Variants in RAPGEFL1 observed in about 807,000 individuals in gnomAD.
The protein encoded by RAPGEFL1 is rap guanine nucleotide exchange factor-like 1.
A neutral mutation model predicts 64.4 loss-of-function variants in RAPGEFL1; 31 were observed. The ratio of observed to expected loss-of-function variants is 0.48; its 90% CI spans 0.36 to 0.65. RAPGEFL1 has a LOEUF of 0.65. RAPGEFL1 is among the 30% of genes least tolerant of loss of function. RAPGEFL1 has a pLI of 0.00. For synonymous variants in RAPGEFL1, 331 were observed against 274.1 expected, an observed-to-expected ratio of 1.21 and a Z score of -2.05; for missense variants, 682 against 677.4, an observed-to-expected ratio of 1.01 and a Z score of -0.08.
In RAPGEFL1 at chr17:40,177,824, G is replaced by A. The variant is rs1989759640; in HGVS notation, c.-38G>A. On this transcript the variant is annotated 5_prime_UTR_variant, in exon 1 of 15. Coordinates refer to ENST00000620260, the MANE Select transcript of RAPGEFL1 (RefSeq NM_016339.6). ...CCCCGCCCGCGCCTGGGATACCTGGGTCCCCCGGCGACCCCTAGGAGAGGG... is the reference window on the plus strand; with the variant it reads ...CCCCGCCCGCGCCTGGGATACCTGGATCCCCCGGCGACCCCTAGGAGAGGG... 1 of 412,774 alleles carries A rather than the reference G, an allele frequency of 2.4e-6. No homozygotes were observed. The highest frequency in any genetic ancestry group is 3.6e-5 in the East Asian group (1 of 28,028). The allele number at this position is 412,774 out of a possible 1,614,324, so 25.6% of individuals were successfully genotyped here.
intron 4 of RAPGEFL1, 108 bp from the exon 5 acceptor site, chr17:40,188,758 G>C: frequency 1.2e-6 from 1 of 817,892 alleles, no homozygotes; most frequent in Non-Finnish European, 2.1e-6. Flanking sequence ...AATTGCTGCT[G>C]GTGCATCCTT....
In RAPGEFL1 at chr17:40,191,398, G is replaced by A. The variant is rs1990259069; in HGVS notation, c.1418G>A (p.Ser473Asn). The A allele has an allele frequency of 6.2e-7, 1 of 1,602,326 alleles. No homozygotes were observed. The highest frequency in any genetic ancestry group is 1.7e-5 in the Admixed American group (1 of 59,168). ...TTGGAGCTGCTGCTGCAGCGCTGCA[G>A]CGAGGTCACGCACTGGGTGGCCACC... ...ANLELLLQRC[S>N]EVTHWVATEV... Residue 473 changes from serine (S) to asparagine (N), a missense_variant, in exon 9 of 15, where the codon AGC becomes AAC. This residue lies in a region of RAPGEFL1 where 411 missense variants were observed against 519.4 expected (regional missense o/e 0.79). Transcript: ENST00000620260. This position sits in a 1 kb window ranked among gnomAD's most constrained non-coding sequence, Gnocchi z 5.1.
At position 40,189,109 on chromosome 17, in the gene RAPGEFL1, G is replaced by A. The variant is rs184140683; in HGVS notation, c.947-99G>A. The A allele has an allele frequency of 8.1e-6, 12 of 1,486,548 alleles. No homozygotes were observed. In the South Asian group the frequency reaches 9.3e-5, roughly 12 times the overall value. The allele number at this position is 1,486,548 out of a possible 1,614,324, so 92.1% of individuals were successfully genotyped here. A position where few individuals can be genotyped will look rare whatever the true frequency, so the allele number is the denominator to read the frequency against. On this transcript the variant is annotated intron_variant, in intron 5 of 14. Coordinates refer to ENST00000620260, the MANE Select transcript of RAPGEFL1 (RefSeq NM_016339.6). Reference sequence around the variant, plus strand: ...CCCCTTTCACAGGACCTTCTTCAGAGGCCAGCCTCTGGTGGGGAATAGAGG... The same window carrying A: ...CCCCTTTCACAGGACCTTCTTCAGAAGCCAGCCTCTGGTGGGGAATAGAGG...
intron 3 of RAPGEFL1, 36 bp from the exon 4 acceptor site, chr17:40,184,545 C>A (rs1598440395): frequency 1.5e-6 from 2 of 1,348,206 alleles, no homozygotes; most frequent in Non-Finnish European, 2.1e-6. Context: ...TGGAATGAGA[C>A]CCCTTCCTTC....
At position 40,189,391 on chromosome 17, in the gene RAPGEFL1, A is replaced by C. The variant is rs1471775195; in HGVS notation, c.1114+16A>C. 3.7e-6 allele frequency: 6 copies of C among 1,613,388 alleles called. No individual in the cohort carries two copies. In the East Asian group the frequency reaches 1.3e-4, roughly 36 times the overall value. On this transcript the variant is annotated intron_variant, in intron 6 of 14. Coordinates refer to ENST00000620260, the MANE Select transcript of RAPGEFL1 (RefSeq NM_016339.6). ...TCCTCTGGAGGTGAGGGTCAGGAAG[A>C]ACTGGGCTGATGCTCCGAGAGGAGA...
chr17:40,190,512 G>A lies in RAPGEFL1; in HGVS notation c.1193G>A (p.Arg398Gln), dbSNP rs1334566487. The A allele has an allele frequency of 8.1e-6, 13 of 1,614,056 alleles. No homozygotes were observed. The highest frequency in any genetic ancestry group is 1.3e-5 in the African/African-American group (1 of 74,906). ...AACAGCCACCTGTTTGCCTGTACTC[G>A]GGACAGCTATGAGGCTCTGGTAAGA... The part of the protein sequence containing the change: ...GINSHLFACT[R>Q]DSYEALVPLP... The change falls in exon 7 of 15, where the codon CGG becomes CAG. Residue 398 changes from arginine to glutamine, a missense_variant. Physicochemically the swap from Arg to Gln is conservative, Grantham distance 43. Around this residue, in one of 2 missense-constraint regions of RAPGEFL1, gnomAD observed 411 missense variants for 519.4 expected, o/e 0.79. Coordinates refer to ENST00000620260, the MANE Select transcript of RAPGEFL1 (RefSeq NM_016339.6).
At chr17:40,193,074 C>A in intron 13 of RAPGEFL1, 84 bp downstream of exon 13, 1 of 1,308,176 alleles carries the variant, frequency 7.6e-7, no homozygotes, top group Non-Finnish European at 1.1e-6. Flanking sequence ...CCAAAAATAG[C>A]AGCCTTCCTC....
chr17:40,194,336 TTG>T lies in RAPGEFL1; in HGVS notation c.*555_*556del, dbSNP rs891179739. The T allele has an allele frequency of 1.3e-5, 2 of 156,552 alleles. No homozygotes were observed. The highest frequency in any genetic ancestry group is 5.0e-5 in the African/African-American group (2 of 39,670). The allele number at this position is 156,552 out of a possible 1,614,324, so 9.7% of individuals were successfully genotyped here. A position where few individuals can be genotyped will look rare whatever the true frequency, so the allele number is the denominator to read the frequency against. On this transcript the variant is annotated 3_prime_UTR_variant, in exon 15 of 15. Coordinates refer to ENST00000620260, the MANE Select transcript of RAPGEFL1 (RefSeq NM_016339.6). Reference sequence around the variant, plus strand: ...TGCATCTGGTAATTGAGGGTGGATGTTGTGTGTGCTGGGGAGGGGTCCTTCTG... The same window carrying T: ...TGCATCTGGTAATTGAGGGTGGATGTTGTGTGCTGGGGAGGGGTCCTTCTG...
rs1989989448 is a variant in RAPGEFL1 at position 40,184,240 on chromosome 17, G to A, written c.626G>A (p.Gly209Asp). Residue 209 changes from glycine (G) to aspartate (D), a missense_variant, in exon 3 of 15, where the codon GGC (glycine) becomes GAC (aspartate). Around this residue, in one of 2 missense-constraint regions of RAPGEFL1, gnomAD observed 271 missense variants for 158.0 expected, o/e 1.72. Transcript: ENST00000620260. ...TTTGTTCGGGCAGGAGGCATGGAGG[G>A]CCCTGAAGGGCTGGGCCGGAAGCAA... is the stretch of plus-strand genomic sequence containing the variant. ...QYFVRAGGMEGPEGLGRKQAC... is the reference protein window; with the variant it reads ...QYFVRAGGMEDPEGLGRKQAC... The A allele has an allele frequency of 1.9e-6, 3 of 1,613,472 alleles. No individual in the cohort carries two copies. The highest frequency in any genetic ancestry group is 2.5e-6 in the Non-Finnish European group (3 of 1,179,834).
rs748096496 is a variant in RAPGEFL1, at chr17:40,191,345, G to C, written c.1365G>C (p.Gly455=). 1 of 1,590,400 alleles carries C rather than the reference G, an allele frequency of 6.3e-7. No individual in the cohort carries two copies. The highest frequency in any genetic ancestry group is 1.1e-5 in the South Asian group (1 of 88,952). The change falls in exon 9 of 15, where the codon GGG becomes GGC. Residue 455 remains glycine, a synonymous_variant. Coordinates refer to ENST00000620260, the MANE Select transcript of RAPGEFL1 (RefSeq NM_016339.6). The surrounding 1 kb of genome is among the most constrained non-coding windows in gnomAD (Gnocchi z 5.1). ...AGTTCGTGGACTACGTGTTCCACGG[G>C]GAGCGCGGCCGCCGGGAGACGGCCA... ...ELEFVDYVFH[G]ERGRRETANL...
At chr17:40,190,590 C>T (rs567957248) in intron 7 of RAPGEFL1, 50 bp from the exon 8 acceptor site, 1 of 1,614,056 alleles carries the variant, frequency 6.2e-7, no homozygotes, top group South Asian at 1.1e-5. Flanking sequence ...GTGAGCAATC[C>T]CTCACCCTGC....
chr17:40,180,419 A>C (rs1430897133), intron 1 of RAPGEFL1, among the ~76,000 whole-genome samples: 1 of 152,090 alleles, frequency 6.6e-6, no homozygotes, highest in Non-Finnish European at 1.5e-5. Context: ...GAATCAGCTT[A>C]ACCTGCCACT....
At chr17:40,186,481 T>C (rs1342327537) in intron 4 of RAPGEFL1, among the ~76,000 whole-genome samples, 1 of 141,598 alleles carries the variant, frequency 7.1e-6, no homozygotes, top group Non-Finnish European at 1.5e-5. Context: ...GGCAGGAGAA[T>C]GGCGTGAACC....
intron 13 of RAPGEFL1, 140 bp from the exon 14 acceptor site, chr17:40,193,223 A>G (rs755515096): frequency 1.9e-6 from 2 of 1,030,428 alleles, no homozygotes; most frequent in Non-Finnish European, 1.5e-6. Context: ...TGTTACACCC[A>G]CTCCTTTGGT....
rs771390809 is a variant in RAPGEFL1, at chr17:40,189,266, A to G, written c.1005A>G (p.Ser335=). ...HSYVTIRSRL[S]ASVQDILGSV... ...ATGTGACCATACGCAGCCGCCTTTC[A>G]GCATCTGTGCAGGACATTCTGGGCT... The change falls in exon 6 of 15, where the codon TCA becomes TCG. Residue 335 remains serine (S), a synonymous_variant. Coordinates refer to ENST00000620260, the MANE Select transcript of RAPGEFL1 (RefSeq NM_016339.6). The G allele has an allele frequency of 1.1e-5, 18 of 1,614,042 alleles. No homozygotes were observed. In the African/African-American group the frequency reaches 1.5e-4, roughly 13 times the overall value.
intron 8 of RAPGEFL1, 114 bp downstream of exon 8, chr17:40,190,876 G>A (rs1486475398): frequency 6.7e-7 from 1 of 1,491,482 alleles, no homozygotes; most frequent in Non-Finnish European, 9.1e-7. Flanking sequence ...GCAAGCCCTT[G>A]GGCAACGCAT....
chr17:40,191,590 A>G lies in RAPGEFL1; in HGVS notation c.1523A>G (p.Gln508Arg), dbSNP rs1453167448. ...KFIKIAALCK[Q>R]NQDLLSFYAV... ...GCCTCCCACCCCCGCAGCTGCAAGC[A>G]GAACCAGGACCTGCTGTCTTTCTAC... is the stretch of plus-strand genomic sequence containing the variant. The change falls in exon 10 of 15, where the codon CAG becomes CGG. Residue 508 changes from glutamine to arginine, a missense_variant. By Grantham distance (43) the Gln-to-Arg change is conservative. Coordinates refer to ENST00000620260, the MANE Select transcript of RAPGEFL1 (RefSeq NM_016339.6). The surrounding 1 kb of genome is among the most constrained non-coding windows in gnomAD (Gnocchi z 5.1). The G allele has an allele frequency of 6.2e-7, 1 of 1,601,834 alleles. No individual in the cohort carries two copies. The highest frequency in any genetic ancestry group is 8.5e-7 in the Non-Finnish European group (1 of 1,174,196).
chr17:40,182,303 G>A (rs1266453004), intron 2 of RAPGEFL1, among the ~76,000 whole-genome samples: 1 of 152,026 alleles, frequency 6.6e-6, no homozygotes, highest in African/African-American at 2.4e-5. Context: ...CTGTACAAAT[G>A]AAAGGTGTTA....
chr17:40,180,643 C>G (rs929974050), intron 1 of RAPGEFL1, among the ~76,000 whole-genome samples: 2 of 152,214 alleles, frequency 1.3e-5, no homozygotes, highest in African/African-American at 4.8e-5. Flanking sequence ...GGTTCTTATT[C>G]CAGCTCCAGG....
Sources: allele counts gnomAD v4.1 joint callset (sites outside exome capture counted in the v4.1 genomes callset), GRCh38; gene constraint gnomAD v4.1.1; regional missense constraint gnomAD v4.1.1; non-coding constraint Gnocchi (gnomAD v3.1); transcripts MANE v1.5; gene names NCBI Gene and HGNC (gene_info 2026-07-23, HGNC 2026-07-21).